TAS2R1: variants seen among roughly 807,000 people sequenced by gnomAD.
TAS2R1 encodes taste 2 receptor member 1.
For missense variants in TAS2R1, 370 were observed against 353.4 expected (o/e 1.05, Z -0.38); for synonymous variants, 141 against 134.2 (o/e 1.05, Z -0.35).
the TAS2R1 span, among the ~76,000 whole-genome samples, chr5:9,752,029 T>C: frequency 6.6e-6 from 1 of 152,198 alleles, no homozygotes; most frequent in African/African-American, 2.4e-5. Context: ...GTCATTAGAC[T>C]GTAGTTGATG....
the TAS2R1 span, among the ~76,000 whole-genome samples, chr5:9,745,818 G>GA: frequency 6.6e-6 from 1 of 151,982 alleles, no homozygotes; most frequent in Non-Finnish European, 1.5e-5. Context: ...AAAAACCCTA[G>GA]AAAAAAGCTA....
At chr5:9,827,252 C>T in the TAS2R1 span, among the ~76,000 whole-genome samples, 2 of 152,096 alleles carry the variant, frequency 1.3e-5, no homozygotes, top group African/African-American at 4.8e-5. Context: ...TCCTTTCTTA[C>T]CCACCTCCAG....
chr5:9,789,674 C>T, the TAS2R1 span, among the ~76,000 whole-genome samples: 1 of 152,232 alleles, frequency 6.6e-6, no homozygotes, highest in Non-Finnish European at 1.5e-5. Flanking sequence ...CTTTATCCTG[C>T]TGTGTGGATC....
At chr5:9,720,969 A>T in the TAS2R1 span, among the ~76,000 whole-genome samples, 1 of 152,160 alleles carries the variant, frequency 6.6e-6, no homozygotes, top group Non-Finnish European at 1.5e-5. Context: ...CTAGAACATG[A>T]TGTGCTGTTC....
intron 1 of TAS2R1, among the ~76,000 whole-genome samples, chr5:9,665,155 G>A (rs1239839246): frequency 6.6e-6 from 1 of 152,140 alleles, no homozygotes; most frequent in Admixed American, 6.5e-5. Context: ...ATTCAACAGT[G>A]GTAGAACTGA....
chr5:9,840,857 A>ATTTTTTTTTTTT, the TAS2R1 span, among the ~76,000 whole-genome samples: 5 of 132,098 alleles, frequency 3.8e-5, no homozygotes, highest in African/African-American at 1.1e-4. Context: ...TTATTTATTT[A>ATTTTTTTTTTTT]TTTTTTTTTT....
intron 2 of TAS2R1, among the ~76,000 whole-genome samples, chr5:9,644,535 C>G (rs901922078): frequency 6.6e-6 from 1 of 152,098 alleles, no homozygotes; most frequent in African/African-American, 2.4e-5. Flanking sequence ...ATCAAGAGCT[C>G]TGTGTGGACA....
the TAS2R1 span, among the ~76,000 whole-genome samples, chr5:9,792,610 T>C: frequency 2.0e-5 from 3 of 152,216 alleles, no homozygotes; most frequent in Admixed American, 2.0e-4. Flanking sequence ...GGTGATCCCA[T>C]ATTTCTTTGC....
At chr5:9,735,033 C>G in the TAS2R1 span, among the ~76,000 whole-genome samples, 1 of 151,344 alleles carries the variant, frequency 6.6e-6, no homozygotes, top group Admixed American at 6.6e-5. Flanking sequence ...CCTCAGGAAA[C>G]TTACAGTCGT....
chr5:9,769,953 C>G, the TAS2R1 span, among the ~76,000 whole-genome samples: 4 of 152,222 alleles, frequency 2.6e-5, no homozygotes, highest in South Asian at 2.1e-4. Flanking sequence ...CTTTGTTTGC[C>G]TGTGCTTGTG....
At chr5:9,845,619 G>A in the TAS2R1 span, among the ~76,000 whole-genome samples, 1 of 151,968 alleles carries the variant, frequency 6.6e-6, no homozygotes, top group Non-Finnish European at 1.5e-5. Context: ...AAATATGACA[G>A]ACAAGCTAGA....
chr5:9,719,878 A>G, the TAS2R1 span, among the ~76,000 whole-genome samples: 4 of 142,740 alleles, frequency 2.8e-5, no homozygotes, highest in Admixed American at 2.2e-4. Flanking sequence ...AGATCGCACC[A>G]CTGCACTCCA....
At chr5:9,800,017 G>A in the TAS2R1 span, among the ~76,000 whole-genome samples, 4 of 152,210 alleles carry the variant, frequency 2.6e-5, no homozygotes, top group Non-Finnish European at 4.4e-5. Flanking sequence ...AAACTGCCAA[G>A]GTGAGTTCAT....
chr5:9,824,201 C>T, the TAS2R1 span, among the ~76,000 whole-genome samples: 20 of 152,316 alleles, frequency 1.3e-4, no homozygotes, highest in African/African-American at 4.1e-4. Flanking sequence ...ACCTGGAGGC[C>T]ACACCTATAA....
At chr5:9,803,995 C>T in the TAS2R1 span, among the ~76,000 whole-genome samples, 1 of 152,142 alleles carries the variant, frequency 6.6e-6, no homozygotes, top group Admixed American at 6.5e-5. Flanking sequence ...CTTCAAGAGA[C>T]TCACCTAACA....
At chr5:9,643,088 G>T (rs1740118677) in intron 2 of TAS2R1, among the ~76,000 whole-genome samples, 1 of 149,692 alleles carries the variant, frequency 6.7e-6, no homozygotes, top group African/African-American at 2.5e-5. Flanking sequence ...CACACTTATT[G>T]TTTGTATTAT....
At chr5:9,783,567 T>C in the TAS2R1 span, among the ~76,000 whole-genome samples, 1 of 152,204 alleles carries the variant, frequency 6.6e-6, no homozygotes, top group Non-Finnish European at 1.5e-5. Context: ...TATCCTCTTC[T>C]TTTGATTACA....
At chr5:9,688,743 G>A (rs1741175882) in intron 1 of TAS2R1, among the ~76,000 whole-genome samples, 1 of 152,154 alleles carries the variant, frequency 6.6e-6, no homozygotes, top group Non-Finnish European at 1.5e-5. Flanking sequence ...GTGTTTCCCA[G>A]TGCCATTCCA....
the TAS2R1 span, among the ~76,000 whole-genome samples, chr5:9,764,088 G>T: frequency 3.3e-5 from 5 of 152,186 alleles, no homozygotes; most frequent in Non-Finnish European, 4.4e-5. Context: ...AAATTAAAAG[G>T]TTGTGTGTTT....
Sources: gnomAD v4.1 joint callset for allele counts (sites outside exome capture counted in the v4.1 genomes callset) on GRCh38, gnomAD v4.1.1 for gene constraint, MANE v1.5 for transcripts, NCBI Gene and HGNC (gene_info 2026-07-23, HGNC 2026-07-21) for gene names.